ACBD6: variants seen among roughly 807,000 people sequenced by gnomAD.
The protein encoded by ACBD6 is acyl-CoA-binding domain-containing protein 6.
A neutral mutation model predicts 37.2 loss-of-function variants in ACBD6; 28 were observed. The observed-to-expected ratio is 0.75, with a 90% CI of 0.56 to 1.03. ACBD6 has a LOEUF of 1.03. ACBD6 is among the 50% of genes least tolerant of loss of function. The pLI, the probability that ACBD6 is intolerant of heterozygous loss-of-function variation, is 0.00. For missense variants in ACBD6, 340 were observed against 337.4 expected (o/e 1.01, Z -0.06); for synonymous variants, 113 against 126.8 (o/e 0.89, Z 0.73).
chr1:180,442,398 T>A (rs754867227), intron 3 of ACBD6, among the ~76,000 whole-genome samples: 1 of 152,070 alleles, frequency 6.6e-6, no homozygotes, highest in Non-Finnish European at 1.5e-5. Flanking sequence ...GAGAACAGAG[T>A]CACTGCTAAA....
chr1:180,308,683 T>A (rs1438524307), intron 7 of ACBD6, among the ~76,000 whole-genome samples: 5 of 152,180 alleles, frequency 3.3e-5, no homozygotes, highest in African/African-American at 1.2e-4. Context: ...GTGCAGGATC[T>A]CAGTTTTGAG....
At chr1:180,385,235 T>C (rs1174117858) in intron 6 of ACBD6, among the ~76,000 whole-genome samples, 6 of 150,582 alleles carry the variant, frequency 4.0e-5, no homozygotes, top group Non-Finnish European at 8.9e-5. Flanking sequence ...AAAATACTTA[T>C]AAACACAAAA....
intron 5 of ACBD6, among the ~76,000 whole-genome samples, chr1:180,411,620 G>GCTA (rs1409963466): frequency 6.6e-6 from 1 of 152,130 alleles, no homozygotes. Flanking sequence ...AAGACATAAT[G>GCTA]CTACTCTACA....
intron 6 of ACBD6, among the ~76,000 whole-genome samples, chr1:180,378,663 G>A (rs1653530082): frequency 1.3e-5 from 2 of 152,168 alleles, no homozygotes; most frequent in Non-Finnish European, 1.5e-5. Flanking sequence ...GCAGGAAATA[G>A]CTCCAGAGGC....
intron 6 of ACBD6, among the ~76,000 whole-genome samples, chr1:180,371,010 T>TAAAA (rs1653241809): frequency 6.6e-6 from 1 of 152,112 alleles, no homozygotes; most frequent in Non-Finnish European, 1.5e-5. Context: ...AAATGTTCTC[T>TAAAA]AAAATGCCTT....
chr1:180,383,719 C>A (rs1653744036), intron 6 of ACBD6, among the ~76,000 whole-genome samples: 1 of 152,048 alleles, frequency 6.6e-6, no homozygotes, highest in Non-Finnish European at 1.5e-5. Flanking sequence ...CTAAAGCAAT[C>A]CTGAGCAAAA....
At chr1:180,286,552 T>A (rs1294280933), downstream of ACBD6, among the ~76,000 whole-genome samples, 1 of 152,240 alleles carries the variant, frequency 6.6e-6, no homozygotes, top group Non-Finnish European at 1.5e-5. Flanking sequence ...TAATGTATGT[T>A]TCTTAAAACA....
intron 6 of ACBD6, among the ~76,000 whole-genome samples, chr1:180,381,346 C>T (rs1030811893): frequency 4.6e-5 from 7 of 152,166 alleles, no homozygotes; most frequent in Non-Finnish European, 8.8e-5. Context: ...TGGATTTAAA[C>T]TGCACATTAG....
chr1:180,388,542 TCA>T (rs1571441660), intron 6 of ACBD6, among the ~76,000 whole-genome samples: 3 of 152,156 alleles, frequency 2.0e-5, no homozygotes, highest in Admixed American at 2.0e-4. Flanking sequence ...TAACAAACTG[TCA>T]GAACTAATAG....
chr1:180,271,234 T>A (rs1648635895), exon 14 of ACBD6: 2 of 872,376 alleles, frequency 2.3e-6, no homozygotes, highest in Non-Finnish European at 1.9e-6. Context: ...AGTGGGGACC[T>A]CTCCACTCTG....
rs796476390 is a variant in ACBD6 at position 180,274,796 on chromosome 1, C to T, written c.*791G>A. The T allele has an allele frequency of 1.4e-5, 8 of 564,372 alleles. No individual in the cohort carries two copies. In the African/African-American group the frequency reaches 1.5e-4, roughly 11 times the overall value. The allele number at this position is 564,372 out of a possible 1,614,324, so 35.0% of individuals were successfully genotyped here. A position where few individuals can be genotyped will look rare whatever the true frequency, so the allele number is the denominator to read the frequency against. Reference sequence around the variant, plus strand: ...AGAGCAGACTCATCTCAGAACACAGCACAGGGGGTAATGGCCTAGAGCTCT... The same window carrying T: ...AGAGCAGACTCATCTCAGAACACAGTACAGGGGGTAATGGCCTAGAGCTCT... On this transcript the variant is annotated 3_prime_UTR_variant, in exon 10 of 14. Coordinates refer to the ACBD6 transcript ENST00000642319.
intron 9 of ACBD6, chr1:180,279,005 C>T (rs1226606547): frequency 2.0e-5 from 3 of 152,092 alleles, no homozygotes; most frequent in Non-Finnish European, 4.4e-5. Flanking sequence ...TCTTGCTTTT[C>T]ATTTGGTTTG....
chr1:180,439,820 G>T (rs1649207596), intron 3 of ACBD6, among the ~76,000 whole-genome samples: 1 of 152,188 alleles, frequency 6.6e-6, no homozygotes, highest in Admixed American at 6.5e-5. Flanking sequence ...TTTCAGTTTG[G>T]TCAGATTACT....
chr1:180,442,287 G>C (rs1649311333), intron 3 of ACBD6, among the ~76,000 whole-genome samples: 1 of 146,256 alleles, frequency 6.8e-6, no homozygotes, highest in Non-Finnish European at 1.5e-5. Flanking sequence ...TCTCAACTAG[G>C]GGCACTTTTT....
At chr1:180,491,651 C>T (rs149203315) in intron 3 of ACBD6, among the ~76,000 whole-genome samples, 99 of 152,260 alleles carry the variant, frequency 6.5e-4, no homozygotes, top group Non-Finnish European at 9.6e-4. Flanking sequence ...ATCATAAAAA[C>T]GAAATCCAAG....
intron 3 of ACBD6, among the ~76,000 whole-genome samples, chr1:180,469,821 T>A (rs1460920451): frequency 1.3e-5 from 2 of 152,178 alleles, no homozygotes; most frequent in East Asian, 1.9e-4. Context: ...GGTGGCATAT[T>A]AATAAAATAC....
intron 5 of ACBD6, among the ~76,000 whole-genome samples, chr1:180,406,457 C>G (rs985029782): frequency 2.0e-5 from 3 of 151,906 alleles, no homozygotes; most frequent in African/African-American, 7.3e-5. Context: ...AAGATGTACA[C>G]TAGGAATTAT....
At chr1:180,461,043 A>G (rs1182547204) in intron 3 of ACBD6, among the ~76,000 whole-genome samples, 1 of 152,232 alleles carries the variant, frequency 6.6e-6, no homozygotes, top group Admixed American at 6.5e-5. Flanking sequence ...TATCCAAGAT[A>G]GGGAAGAACA....
At chr1:180,339,505 G>A (rs1260275307) in intron 6 of ACBD6, among the ~76,000 whole-genome samples, 1 of 146,978 alleles carries the variant, frequency 6.8e-6, no homozygotes, top group Non-Finnish European at 1.5e-5. Context: ...CACAGGAAGG[G>A]GAACATCACA....
Sources: gnomAD v4.1 joint callset for allele counts (sites outside exome capture counted in the v4.1 genomes callset) on GRCh38, gnomAD v4.1.1 for gene constraint, MANE v1.5 for transcripts, NCBI Gene and HGNC (gene_info 2026-07-23, HGNC 2026-07-21) for gene names.